RTL10: variants seen among roughly 807,000 people sequenced by gnomAD.
RTL10 encodes the protein protein Bop.
For missense variants in RTL10, 477 were observed against 470.7 expected (o/e 1.01, Z -0.12); for synonymous variants, 199 against 188.4 (o/e 1.06, Z -0.46).
At position 19,849,457 on chromosome 22, in the gene RTL10, C is replaced by T. The variant is rs1047160587; in HGVS notation, c.*1710G>A. ...GATCTCGGCTCACCACACCCTCTGC[C>T]TCCTGGGTTCAAGCAATTCTTCTGC... On this transcript the variant is annotated 3_prime_UTR_variant, in exon 3 of 3. Transcript: ENST00000328554. 3.0e-6 allele frequency: 1 copy of T among 330,918 alleles called. No individual in the cohort carries two copies. Among genetic ancestry groups the T allele is most frequent in the Non-Finnish European group, 4.3e-6 (1 of 232,390 alleles). The allele number at this position is 330,918 out of a possible 1,614,324, so 20.5% of individuals were successfully genotyped here.
Position 19,847,313 on chromosome 22 carries a change from C to T in RTL10, c.*3854G>A. The T allele has an allele frequency of 1.2e-5, 12 of 985,206 alleles. No homozygotes were observed. The highest frequency in any genetic ancestry group is 1.4e-5 in the Non-Finnish European group (12 of 829,706). 61.0% of individuals were successfully genotyped at this position (985,206 alleles called of 1,614,324 possible). A position where few individuals can be genotyped will look rare whatever the true frequency, so the allele number is the denominator to read the frequency against. On this transcript the variant is annotated 3_prime_UTR_variant, in exon 3 of 3. Coordinates refer to ENST00000328554, the MANE Select transcript of RTL10 (RefSeq NM_024627.6). Reference sequence around the variant, plus strand: ...TTTGTTACTGCAGCACAATCTGGCTCATGCTGACTGATCCTGCAGGGTAAC... The same window carrying T: ...TTTGTTACTGCAGCACAATCTGGCTTATGCTGACTGATCCTGCAGGGTAAC...
Position 19,850,945 on chromosome 22 carries a change from A to G in RTL10, c.*222T>C. 7.3e-7 allele frequency: 1 copy of G among 1,372,242 alleles called. No individual in the cohort carries two copies. Among genetic ancestry groups the G allele is most frequent in the East Asian group, 2.6e-5 (1 of 37,986 alleles). 85.0% of individuals were successfully genotyped at this position (1,372,242 alleles called of 1,614,324 possible). A position where few individuals can be genotyped will look rare whatever the true frequency, so the allele number is the denominator to read the frequency against. On this transcript the variant is annotated 3_prime_UTR_variant, in exon 3 of 3. Coordinates refer to ENST00000328554, the MANE Select transcript of RTL10 (RefSeq NM_024627.6). ...GAAGACGGGCAGGGATGCAGCAGAGAGCCAGCAGCAGGGAAAGGGCACAGG... is the reference window on the plus strand; with the variant it reads ...GAAGACGGGCAGGGATGCAGCAGAGGGCCAGCAGCAGGGAAAGGGCACAGG...
At chr22:19,853,903 C>CA (rs1938172304) in intron 2 of RTL10, among the ~76,000 whole-genome samples, 3 of 152,192 alleles carry the variant, frequency 2.0e-5, no homozygotes, top group African/African-American at 7.2e-5. Context: ...CCAGGTTGCC[C>CA]ACAATGACCA....
In RTL10 at chr22:19,848,331, G is replaced by A. The variant is rs1020728578; in HGVS notation, c.*2836C>T. Reference sequence around the variant, plus strand: ...AACCCTGCCAGGCTCTGCAGCTCCTGAGCACCCTGCCTTCGGGTCTGCCAG... The same window carrying A: ...AACCCTGCCAGGCTCTGCAGCTCCTAAGCACCCTGCCTTCGGGTCTGCCAG... On this transcript the variant is annotated 3_prime_UTR_variant, in exon 3 of 3. Transcript: ENST00000328554. The A allele has an allele frequency of 8.1e-6, 8 of 985,342 alleles. No homozygotes were observed. Among genetic ancestry groups the A allele is most frequent in the African/African-American group, 1.7e-5 (1 of 57,244 alleles). The allele number at this position is 985,342 out of a possible 1,614,324, so 61.0% of individuals were successfully genotyped here. A position where few individuals can be genotyped will look rare whatever the true frequency, so the allele number is the denominator to read the frequency against.
At chr22:19,853,726 G>C (rs1017261196) in intron 2 of RTL10, among the ~76,000 whole-genome samples, 3 of 152,146 alleles carry the variant, frequency 2.0e-5, no homozygotes, top group East Asian at 3.9e-4. Context: ...TCTGGGGGGG[G>C]GGTCTTCACC....
chr22:19,849,051 G>A lies in RTL10; in HGVS notation c.*2116C>T, dbSNP rs568843963. 7 of 985,484 alleles carry A rather than the reference G, an allele frequency of 7.1e-6. No homozygotes were observed. The East Asian group carries it at 6.8e-4, about 96-fold the overall frequency. The allele number at this position is 985,484 out of a possible 1,614,324, so 61.0% of individuals were successfully genotyped here. On this transcript the variant is annotated 3_prime_UTR_variant, in exon 3 of 3. Coordinates refer to ENST00000328554, the MANE Select transcript of RTL10 (RefSeq NM_024627.6). ...AGGGGGGATGGGGCCTGAGTCATCG[G>A]ACGGAGGGCAGCTGTGACCTGGCAC...
chr22:19,852,220 G>A lies in RTL10; in HGVS notation c.42C>T (p.Pro14=). ...GRCRQQGPRI[P]IWAAANYANA... is the part of the protein sequence containing the mutation. Reference sequence around the variant, plus strand: ...TGGCATAATTGGCGGCTGCCCAGATGGGAATGCGAGGGCCCTGCTGACGGC... The same window carrying A: ...TGGCATAATTGGCGGCTGCCCAGATAGGAATGCGAGGGCCCTGCTGACGGC... The change falls in exon 3 of 3, where the codon CCC becomes CCT. Residue 14 remains proline (P), a synonymous_variant. Coordinates refer to ENST00000328554, the MANE Select transcript of RTL10 (RefSeq NM_024627.6). The A allele has an allele frequency of 6.2e-7, 1 of 1,612,896 alleles. No homozygotes were observed. Among genetic ancestry groups the A allele is most frequent in the Non-Finnish European group, 8.5e-7 (1 of 1,179,610 alleles).
In RTL10 at chr22:19,849,385, T is replaced by TTGG; in HGVS notation, c.*1781_*1782insCCA. The TTGG allele has an allele frequency of 2.1e-4, 161 of 761,932 alleles. No homozygotes were observed. Among genetic ancestry groups the TTGG allele is most frequent in the Middle Eastern group, 6.7e-4 (1 of 1,492 alleles). 47.2% of individuals were successfully genotyped at this position (761,932 alleles called of 1,614,324 possible). ...TTGTTTTTTGTTGTTTTTTTTTTTT[T>TTGG]GGGATGGAGTTTCACTCTTGTTGTC... On this transcript the variant is annotated 3_prime_UTR_variant, in exon 3 of 3. Transcript: ENST00000328554.
chr22:19,846,506 A>G lies in RTL10; in HGVS notation c.*4661T>C. 2.0e-6 allele frequency: 2 copies of G among 985,486 alleles called. No individual in the cohort carries two copies. Among genetic ancestry groups the G allele is most frequent in the Non-Finnish European group, 2.4e-6 (2 of 829,940 alleles). The allele number at this position is 985,486 out of a possible 1,614,324, so 61.0% of individuals were successfully genotyped here. ...CACACAGGCATGTGGAGACCACAGAAGCCTGCCCAATATAGCGCTGCCAGG... is the reference window on the plus strand; with the variant it reads ...CACACAGGCATGTGGAGACCACAGAGGCCTGCCCAATATAGCGCTGCCAGG... On this transcript the variant is annotated 3_prime_UTR_variant, in exon 3 of 3. Coordinates refer to ENST00000328554, the MANE Select transcript of RTL10 (RefSeq NM_024627.6).
chr22:19,846,871 A>C lies in RTL10; in HGVS notation c.*4296T>G. ...ATCATGAGGAAATGTCTGTTGTTTA[A>C]GTCCCCTAGCCTGCGGTCCTTTGTC... On this transcript the variant is annotated 3_prime_UTR_variant, in exon 3 of 3. Transcript: ENST00000328554. 6.4e-6 allele frequency: 6 copies of C among 937,852 alleles called. No homozygotes were observed. Among genetic ancestry groups the C allele is most frequent in the Non-Finnish European group, 7.6e-6 (6 of 786,426 alleles). The allele number at this position is 937,852 out of a possible 1,614,324, so 58.1% of individuals were successfully genotyped here.
rs1938130070 is a variant in RTL10 at position 19,852,408 on chromosome 22, A to G, written c.-147T>C. 2 of 822,380 alleles carry G rather than the reference A, an allele frequency of 2.4e-6. No individual in the cohort carries two copies. The highest frequency in any genetic ancestry group is 1.9e-6 in the Non-Finnish European group (1 of 521,028). 50.9% of individuals were successfully genotyped at this position (822,380 alleles called of 1,614,324 possible). On this transcript the variant is annotated 5_prime_UTR_variant, in exon 3 of 3. Coordinates refer to ENST00000328554, the MANE Select transcript of RTL10 (RefSeq NM_024627.6). ...CTGGTCCAGGCAAGTGCTGAGGATC[A>G]GGGAGCTGACAGCTGCAGCCTCAGG...
rs1326876247 is a variant in RTL10 at position 19,849,759 on chromosome 22, T to A, written c.*1408A>T. The stretch of plus-strand genomic sequence containing the variant: ...AATTCACATTTCTGCTTTTTCTTCC[T>A]ACTTTCCAGGAAGGTGTTGTTTTGT... On this transcript the variant is annotated 3_prime_UTR_variant, in exon 3 of 3. Coordinates refer to ENST00000328554, the MANE Select transcript of RTL10 (RefSeq NM_024627.6). The A allele has an allele frequency of 4.1e-6, 4 of 985,338 alleles. No homozygotes were observed. In the African/African-American group the frequency reaches 7.0e-5, roughly 17 times the overall value. The allele number at this position is 985,338 out of a possible 1,614,324, so 61.0% of individuals were successfully genotyped here.
Position 19,847,824 on chromosome 22 carries a change from AAT to A in RTL10, c.*3341_*3342del. The A allele has an allele frequency of 1.1e-6, 1 of 912,390 alleles. No homozygotes were observed. The highest frequency in any genetic ancestry group is 1.3e-6 in the Non-Finnish European group (1 of 765,462). The allele number at this position is 912,390 out of a possible 1,614,324, so 56.5% of individuals were successfully genotyped here. A position where few individuals can be genotyped will look rare whatever the true frequency, so the allele number is the denominator to read the frequency against. ...ATAGGCAAAAAAAAAAAAAAAAAAA[AAT>A]TCACCCATATTTTCCTCTAGTACTT... On this transcript the variant is annotated 3_prime_UTR_variant, in exon 3 of 3. Transcript: ENST00000328554.
rs1258907700 is a variant in RTL10, at chr22:19,848,934, C to T, written c.*2233G>A. The stretch of plus-strand genomic sequence containing the variant: ...TGACTAGGCTGTCCATCCTAGAGAG[C>T]AACTCTGGGTTCTACTGCCAGACCC... On this transcript the variant is annotated 3_prime_UTR_variant, in exon 3 of 3. Transcript: ENST00000328554. 26 of 985,304 alleles carry T rather than the reference C, an allele frequency of 2.6e-5. No homozygotes were observed. The highest frequency in any genetic ancestry group is 3.0e-5 in the Non-Finnish European group (25 of 829,916). The allele number at this position is 985,304 out of a possible 1,614,324, so 61.0% of individuals were successfully genotyped here.
chr22:19,851,881 G>T lies in RTL10; in HGVS notation c.381C>A (p.Phe127Leu). The change falls in exon 3 of 3, where the codon TTC (phenylalanine) becomes TTA (leucine). Residue 127 changes from phenylalanine (F) to leucine (L), a missense_variant. By Grantham distance (22) the Phe-to-Leu change is conservative. Transcript: ENST00000328554. The stretch of plus-strand genomic sequence containing the variant: ...TGTTGTCCTGATAGTGCTCAAAGTG[G>T]AAGGACATGTAATCGCCCAGCTGGG... ...FLAQLGDYMS[F>L]HFEHYQDNIS... The T allele has an allele frequency of 6.2e-7, 1 of 1,614,050 alleles. No individual in the cohort carries two copies. Among genetic ancestry groups the T allele is most frequent in the Non-Finnish European group, 8.5e-7 (1 of 1,180,040 alleles).
In RTL10 at chr22:19,850,758, G is replaced by T; in HGVS notation, c.*409C>A. 1 of 1,248,232 alleles carries T rather than the reference G, an allele frequency of 8.0e-7. No individual in the cohort carries two copies. The highest frequency in any genetic ancestry group is 1.0e-6 in the Non-Finnish European group (1 of 998,284). The allele number at this position is 1,248,232 out of a possible 1,614,324, so 77.3% of individuals were successfully genotyped here. A position where few individuals can be genotyped will look rare whatever the true frequency, so the allele number is the denominator to read the frequency against. ...CCATACAGGAACGAGGTCCCAACAG[G>T]GCAGACGTGGCAGACCCAGTTCAGT... On this transcript the variant is annotated 3_prime_UTR_variant, in exon 3 of 3. Coordinates refer to ENST00000328554, the MANE Select transcript of RTL10 (RefSeq NM_024627.6).
chr22:19,851,101 TG>T lies in RTL10; in HGVS notation c.*65del. ...ACCACTCTGCTCTGACTGGGGACTATGGGGCGCTCAAGCCACACAGGCCACT... is the reference window on the plus strand; with the variant it reads ...ACCACTCTGCTCTGACTGGGGACTATGGGCGCTCAAGCCACACAGGCCACT... On this transcript the variant is annotated 3_prime_UTR_variant, in exon 3 of 3. Coordinates refer to ENST00000328554, the MANE Select transcript of RTL10 (RefSeq NM_024627.6). The T allele has an allele frequency of 6.7e-7, 1 of 1,500,924 alleles. No individual in the cohort carries two copies. The highest frequency in any genetic ancestry group is 1.4e-5 in the African/African-American group (1 of 71,710). The allele number at this position is 1,500,924 out of a possible 1,614,324, so 93.0% of individuals were successfully genotyped here. A position where few individuals can be genotyped will look rare whatever the true frequency, so the allele number is the denominator to read the frequency against.
chr22:19,852,112 G>A lies in RTL10; in HGVS notation c.150C>T (p.Pro50=). The A allele has an allele frequency of 1.2e-6, 2 of 1,614,234 alleles. No individual in the cohort carries two copies. The highest frequency in any genetic ancestry group is 2.2e-5 in the South Asian group (2 of 91,092). ...TPLVDPWIER[P]CCGDTVCVRT... is the part of the protein sequence containing the mutation. Reference sequence around the variant, plus strand: ...GCACACACACGGTGTCCCCACAGCAGGGCCGCTCAATCCAGGGATCCACAA... The same window carrying A: ...GCACACACACGGTGTCCCCACAGCAAGGCCGCTCAATCCAGGGATCCACAA... Residue 50 remains proline, a synonymous_variant, in exon 3 of 3, where the codon CCC becomes CCT. Coordinates refer to ENST00000328554, the MANE Select transcript of RTL10 (RefSeq NM_024627.6).
rs796724694 is a variant in RTL10 at position 19,849,372 on chromosome 22, GTTT to G, written c.*1792_*1794del. Reference sequence around the variant, plus strand: ...CTAAATAAGGTTTTTGTTTTTTGTTGTTTTTTTTTTTTTGGGATGGAGTTTCAC... The same window carrying G: ...CTAAATAAGGTTTTTGTTTTTTGTTGTTTTTTTTTTGGGATGGAGTTTCAC... On this transcript the variant is annotated 3_prime_UTR_variant, in exon 3 of 3. Coordinates refer to ENST00000328554, the MANE Select transcript of RTL10 (RefSeq NM_024627.6). 5.9e-5 allele frequency: 39 copies of G among 665,656 alleles called. No individual in the cohort carries two copies. The highest frequency in any genetic ancestry group is 7.3e-5 in the Admixed American group (1 of 13,608). The allele number at this position is 665,656 out of a possible 1,614,324, so 41.2% of individuals were successfully genotyped here.
Sources: gnomAD v4.1 joint callset for allele counts (sites outside exome capture counted in the v4.1 genomes callset) on GRCh38, gnomAD v4.1.1 for gene constraint, MANE v1.5 for transcripts, NCBI Gene and HGNC (gene_info 2026-07-23, HGNC 2026-07-21) for gene names.